MAP1A: variants seen among roughly 807,000 people sequenced by gnomAD.
MAP1A encodes the protein microtubule associated protein 1A, also known as microtubule-associated protein 1A.
MAP1A carries 42 observed loss-of-function variants against 185.9 expected under a neutral mutation model. The observed-to-expected ratio is 0.23, with a 90% CI of 0.18 to 0.29. The LOEUF (loss-of-function observed/expected upper bound fraction) is 0.29. Ranked by LOEUF, MAP1A falls within the 10% of genes least tolerant of loss-of-function variation. The pLI, the probability that MAP1A is intolerant of heterozygous loss-of-function variation, is 1.00. For synonymous variants in MAP1A, 1,229 were observed against 1,335.9 expected, an observed-to-expected ratio of 0.92 and a Z score of 1.74; for missense variants, 2,995 against 3,450.4, an observed-to-expected ratio of 0.87 and a Z score of 3.31.
rs182666006 is a variant in MAP1A, at chr15:43,528,558, C to G, written c.7085C>G (p.Pro2362Arg). ...TCTGAGGATTGTGCAGCCAATGGCC[C>G]AACTGAAACCAGCCCTAACCCCCCA... ...VPSEDCAANGPTETSPNPPGP... is the reference protein window; with the variant it reads ...VPSEDCAANGRTETSPNPPGP... The change falls in exon 4 of 6, where the codon CCA becomes CGA. Residue 2362 changes from proline to arginine, a missense_variant. This residue lies in a region of MAP1A where 2,728 missense variants were observed against 2,986.0 expected (regional missense o/e 0.91). Coordinates refer to ENST00000300231, the MANE Select transcript of MAP1A (RefSeq NM_002373.6). The G allele has an allele frequency of 8.7e-6, 14 of 1,613,752 alleles. No individual in the cohort carries two copies. In the African/African-American group the frequency reaches 1.7e-4, roughly 20 times the overall value.
intron 1 of MAP1A, among the ~76,000 whole-genome samples, chr15:43,519,626 T>G (rs72709883): frequency 8.9e-4 from 136 of 152,344 alleles, no homozygotes; most frequent in South Asian, 2.9e-3. Context: ...GCAGCATTCT[T>G]CTTCAGCATC....
chr15:43,513,917 A>G (rs2079290285), upstream of MAP1A, among the ~76,000 whole-genome samples: 1 of 152,254 alleles, frequency 6.6e-6, no homozygotes, highest in South Asian at 2.1e-4. Context: ...GCTGATGTTA[A>G]TAATTCACAC....
At chr15:43,516,922 A>G (rs1268454295), upstream of MAP1A, among the ~76,000 whole-genome samples, 1 of 152,168 alleles carries the variant, frequency 6.6e-6, no homozygotes, top group African/African-American at 2.4e-5. Flanking sequence ...AAGAATCCCA[A>G]GAATCAGTGC....
chr15:43,518,710 C>A (rs1020251910), intron 1 of MAP1A, among the ~76,000 whole-genome samples: 1 of 132,452 alleles, frequency 7.5e-6, no homozygotes, highest in East Asian at 2.4e-4. Context: ...CGCAGCCCAC[C>A]CCCCCCCGCA....
At position 43,529,109 on chromosome 15, in the gene MAP1A, G is replaced by A. The variant is rs2079360007; in HGVS notation, c.7636G>A (p.Gly2546Arg). ...DGDFLPVDKAGGVSGTHHPRP... is the reference protein window; with the variant it reads ...DGDFLPVDKARGVSGTHHPRP... The stretch of plus-strand genomic sequence containing the variant: ...AGACTTCCTACCTGTGGACAAAGCT[G>A]GGGGTGTCAGTGGTACTCACCACCC... The change falls in exon 4 of 6, where the codon GGG becomes AGG. Residue 2546 changes from glycine (G) to arginine (R), a missense_variant. By Grantham distance (125) the Gly-to-Arg change is moderately radical. This residue lies in a region of MAP1A where 2,728 missense variants were observed against 2,986.0 expected (regional missense o/e 0.91). Coordinates refer to ENST00000300231, the MANE Select transcript of MAP1A (RefSeq NM_002373.6). The surrounding 1 kb of genome is among the most constrained non-coding windows in gnomAD (Gnocchi z 4.3). The A allele has an allele frequency of 2.5e-6, 4 of 1,613,592 alleles. No individual in the cohort carries two copies. Among genetic ancestry groups the A allele is most frequent in the African/African-American group, 1.3e-5 (1 of 74,854 alleles).
rs774549028 is a variant in MAP1A, at chr15:43,526,378, G to A, written c.4905G>A (p.Glu1635=). 1 of 1,614,216 alleles carries A rather than the reference G, an allele frequency of 6.2e-7. No homozygotes were observed. The highest frequency in any genetic ancestry group is 8.5e-7 in the Non-Finnish European group (1 of 1,180,042). ...TAGTGCAGGAGGGCAGGGCCAGAGA[G>A]CAGGAAGAAAAGTACTGGAGGGGGC... is the stretch of plus-strand genomic sequence containing the variant. ...ESLVQEGRAR[E]QEEKYWRGQD... The change falls in exon 4 of 6, where the codon GAG becomes GAA. Residue 1635 remains glutamate, a synonymous_variant. Transcript: ENST00000300231. The surrounding 1 kb of genome is among the most constrained non-coding windows in gnomAD (Gnocchi z 4.7).
rs545991486 is a variant in MAP1A, at chr15:43,528,856, A to G, written c.7383A>G (p.Ile2461Met). ...TGAACCCACCTCTGCCCCCATCCAT[A>G]GATGATAGGGACCTCTCAACTGAGG... ...SFLNPPLPPSIDDRDLSTEEV... is the reference protein window; with the variant it reads ...SFLNPPLPPSMDDRDLSTEEV... Residue 2461 changes from isoleucine (I) to methionine (M), a missense_variant, in exon 4 of 6, where the codon ATA becomes ATG. Physicochemically the swap from Ile to Met is conservative, Grantham distance 10. Around this residue, in one of 3 missense-constraint regions of MAP1A, gnomAD observed 2,728 missense variants for 2,986.0 expected, o/e 0.91. Coordinates refer to ENST00000300231, the MANE Select transcript of MAP1A (RefSeq NM_002373.6). The G allele has an allele frequency of 1.1e-4, 185 of 1,613,204 alleles. 4 individuals are homozygous for G. The South Asian group carries it at 2.0e-3, about 17-fold the overall frequency.
At position 43,522,872 on chromosome 15, in the gene MAP1A, T is replaced by G; in HGVS notation, c.1399T>G (p.Phe467Val). 2 of 1,609,978 alleles carry G rather than the reference T, an allele frequency of 1.2e-6. No homozygotes were observed. The highest frequency in any genetic ancestry group is 1.7e-6 in the Non-Finnish European group (2 of 1,177,906). ...KKISKPDLKP[F>V]TPEVRKTLYK... ...GATTTCCAAGCCAGACCTAAAGCCC[T>G]TTACTCCTGAGGTACGTAAGACCCT... is the stretch of plus-strand genomic sequence containing the variant. The change falls in exon 4 of 6, where the codon TTT (phenylalanine) becomes GTT (valine). Residue 467 changes from phenylalanine to valine, a missense_variant. Physicochemically the swap from Phe to Val is conservative, Grantham distance 50 (BLOSUM62 -1). Coordinates refer to ENST00000300231, the MANE Select transcript of MAP1A (RefSeq NM_002373.6). The surrounding 1 kb of genome is among the most constrained non-coding windows in gnomAD (Gnocchi z 5.9).
chr15:43,516,683 T>C (rs1240805278), upstream of MAP1A, among the ~76,000 whole-genome samples: 2 of 152,116 alleles, frequency 1.3e-5, no homozygotes, highest in East Asian at 1.9e-4. Context: ...AATAATATAA[T>C]ATAGAAACAG....
Position 43,529,085 on chromosome 15 carries a change from G to T in MAP1A, c.7612G>T (p.Asp2538Tyr). ...AGCCCTCGACTCAGATGAAGATGGA[G>T]ACTTCCTACCTGTGGACAAAGCTGG... ...EAALDSDEDG[D>Y]FLPVDKAGGV... The change falls in exon 4 of 6, where the codon GAC (aspartate) becomes TAC (tyrosine). Residue 2538 changes from aspartate to tyrosine, a missense_variant. Transcript: ENST00000300231. The surrounding 1 kb of genome is among the most constrained non-coding windows in gnomAD (Gnocchi z 4.3). 6.2e-7 allele frequency: 1 copy of T among 1,613,864 alleles called. No homozygotes were observed. The highest frequency in any genetic ancestry group is 8.5e-7 in the Non-Finnish European group (1 of 1,179,992).
In MAP1A at chr15:43,527,608, A is replaced by C; in HGVS notation, c.6135A>C (p.Pro2045=). The change falls in exon 4 of 6, where the codon CCA becomes CCC. Residue 2045 remains proline (P), a synonymous_variant. Coordinates refer to ENST00000300231, the MANE Select transcript of MAP1A (RefSeq NM_002373.6). The part of the protein sequence containing the change: ...YAALAGPTVP[P]RPEPGPSMEP... ...CCCTGGCAGGACCCACTGTACCCCCAAGGCCAGAGCCAGGGCCAAGTATGG... is the reference window on the plus strand; with the variant it reads ...CCCTGGCAGGACCCACTGTACCCCCCAGGCCAGAGCCAGGGCCAAGTATGG... 2 of 1,613,204 alleles carry C rather than the reference A, an allele frequency of 1.2e-6. No individual in the cohort carries two copies. Among genetic ancestry groups the C allele is most frequent in the South Asian group, 2.2e-5 (2 of 91,022 alleles).
Position 43,529,853 on chromosome 15 carries a change from T to G in MAP1A, c.8239T>G (p.Trp2747Gly). ...TGCCCTGCTGGAGGGCAAGGCCCAG[T>G]GGGGGGAGAATCTTCAGGTGAGTAG... The part of the protein sequence containing the change: ...LDALLEGKAQ[W>G]GENLQVTLIP... Residue 2747 changes from tryptophan to glycine, a missense_variant, in exon 5 of 6, where the codon TGG (tryptophan) becomes GGG (glycine). This residue lies in a region of MAP1A where 2,728 missense variants were observed against 2,986.0 expected (regional missense o/e 0.91). Transcript: ENST00000300231. The surrounding 1 kb of genome is among the most constrained non-coding windows in gnomAD (Gnocchi z 4.3). The G allele has an allele frequency of 6.2e-7, 1 of 1,613,496 alleles. No individual in the cohort carries two copies. The highest frequency in any genetic ancestry group is 8.5e-7 in the Non-Finnish European group (1 of 1,179,992).
chr15:43,523,007 G>T lies in MAP1A; in HGVS notation c.1534G>T (p.Val512Leu), dbSNP rs534673678. The part of the protein sequence containing the change: ...PQTPPAQKGT[V>L]PLPTISGHRE... Reference sequence around the variant, plus strand: ...GACACCCCCAGCCCAGAAGGGAACTGTACCACTCCCAACCATCAGTGGGCA... The same window carrying T: ...GACACCCCCAGCCCAGAAGGGAACTTTACCACTCCCAACCATCAGTGGGCA... Residue 512 changes from valine to leucine, a missense_variant, in exon 4 of 6, where the codon GTA (valine) becomes TTA (leucine). By Grantham distance (32) the Val-to-Leu change is conservative. Coordinates refer to ENST00000300231, the MANE Select transcript of MAP1A (RefSeq NM_002373.6). 6 of 1,614,200 alleles carry T rather than the reference G, an allele frequency of 3.7e-6. No homozygotes were observed. Among genetic ancestry groups the T allele is most frequent in the Non-Finnish European group, 5.1e-6 (6 of 1,180,040 alleles).
chr15:43,529,672 C>G lies in MAP1A; in HGVS notation c.8058C>G (p.Ser2686Arg). ...CAGTGGCCTTGAGTTCCAAGGGCAG[C>G]TCTGGTGCCCCTGTATATGTGGATC... is the stretch of plus-strand genomic sequence containing the variant. ...AGPMALSSKG[S>R]SGAPVYVDLA... Residue 2686 changes from serine to arginine, a missense_variant, in exon 5 of 6, where the codon AGC (serine) becomes AGG (arginine). By Grantham distance (110) the Ser-to-Arg change is moderately radical (BLOSUM62 -1). Transcript: ENST00000300231. The surrounding 1 kb of genome is among the most constrained non-coding windows in gnomAD (Gnocchi z 4.3). 4.3e-6 allele frequency: 7 copies of G among 1,614,168 alleles called. No individual in the cohort carries two copies. The highest frequency in any genetic ancestry group is 5.9e-6 in the Non-Finnish European group (7 of 1,180,000).
rs1225387040 is a variant in MAP1A, at chr15:43,527,199, A to G, written c.5726A>G (p.Tyr1909Cys). The change falls in exon 4 of 6, where the codon TAC (tyrosine) becomes TGC (cysteine). Residue 1909 changes from tyrosine to cysteine, a missense_variant. Tyr to Cys is a radical substitution (Grantham distance 194). Coordinates refer to ENST00000300231, the MANE Select transcript of MAP1A (RefSeq NM_002373.6). ...CCATACTCCCCCCTGGGGAAGGACT[A>G]CCGCAAGGCTGAAGGGGAAAGGGAA... ...GGPYSPLGKD[Y>C]RKAEGEREEE... 6.2e-7 allele frequency: 1 copy of G among 1,614,076 alleles called. No homozygotes were observed. The highest frequency in any genetic ancestry group is 8.5e-7 in the Non-Finnish European group (1 of 1,180,006).
rs767761366 is a variant in MAP1A at position 43,522,683 on chromosome 15, C to A, written c.1210C>A (p.His404Asn). The part of the protein sequence containing the change: ...KLIKDKVGKK[H>N]LKEKISKLEE... Reference sequence around the variant, plus strand: ...GATCAAAGACAAGGTAGGGAAAAAGCACCTTAAAGAAAAGATATCAAAGCT... The same window carrying A: ...GATCAAAGACAAGGTAGGGAAAAAGAACCTTAAAGAAAAGATATCAAAGCT... Residue 404 changes from histidine (H) to asparagine (N), a missense_variant, in exon 4 of 6, where the codon CAC (histidine) becomes AAC (asparagine). Physicochemically the swap from His to Asn is moderately conservative, Grantham distance 68. Transcript: ENST00000300231. The surrounding 1 kb of genome is among the most constrained non-coding windows in gnomAD (Gnocchi z 5.9). 1 of 1,608,362 alleles carries A rather than the reference C, an allele frequency of 6.2e-7. No individual in the cohort carries two copies. Among genetic ancestry groups the A allele is most frequent in the Non-Finnish European group, 8.5e-7 (1 of 1,177,588 alleles).
At position 43,525,895 on chromosome 15, in the gene MAP1A, A is replaced by C; in HGVS notation, c.4422A>C (p.Lys1474Asn). The C allele has an allele frequency of 6.2e-7, 1 of 1,613,484 alleles. No individual in the cohort carries two copies. The highest frequency in any genetic ancestry group is 8.5e-7 in the Non-Finnish European group (1 of 1,179,628). Reference protein sequence around the residue: ...LEQKDKALEPKDKDLEQKDRV... With the variant: ...LEQKDKALEPNDKDLEQKDRV... ...AGAAGGACAAGGCCCTGGAACCAAAAGATAAAGACTTGGAACAAAAGGACA... is the reference window on the plus strand; with the variant it reads ...AGAAGGACAAGGCCCTGGAACCAAACGATAAAGACTTGGAACAAAAGGACA... Residue 1474 changes from lysine to asparagine, a missense_variant, in exon 4 of 6, where the codon AAA becomes AAC. This residue lies in a region of MAP1A where 2,728 missense variants were observed against 2,986.0 expected (regional missense o/e 0.91). Transcript: ENST00000300231.
chr15:43,511,306 C>T (rs2079276460), intron 1 of MAP1A: 2 of 1,070,326 alleles, frequency 1.9e-6, no homozygotes, highest in Non-Finnish European at 2.8e-6. Flanking sequence ...CCAATGCATA[C>T]GTCTGCATCT....
Position 43,526,007 on chromosome 15 carries a change from G to A in MAP1A, c.4534G>A (p.Glu1512Lys), listed in dbSNP as rs754940523. Reference protein sequence around the residue: ...KVRSVEHKAPEDTVAEMKDRD... With the variant: ...KVRSVEHKAPKDTVAEMKDRD... Reference sequence around the variant, plus strand: ...CAGAAGTGTTGAACATAAGGCTCCGGAGGACACGGTCGCTGAAATGAAGGA... The same window carrying A: ...CAGAAGTGTTGAACATAAGGCTCCGAAGGACACGGTCGCTGAAATGAAGGA... Residue 1512 changes from glutamate to lysine, a missense_variant, in exon 4 of 6, where the codon GAG becomes AAG. Around this residue, in one of 3 missense-constraint regions of MAP1A, gnomAD observed 2,728 missense variants for 2,986.0 expected, o/e 0.91. Transcript: ENST00000300231. This position sits in a 1 kb window ranked among gnomAD's most constrained non-coding sequence, Gnocchi z 4.7. 2.0e-5 allele frequency: 32 copies of A among 1,613,638 alleles called. No homozygotes were observed. Among genetic ancestry groups the A allele is most frequent in the Non-Finnish European group, 2.5e-5 (30 of 1,179,962 alleles).
Sources: allele counts gnomAD v4.1 joint callset (sites outside exome capture counted in the v4.1 genomes callset), GRCh38; gene constraint gnomAD v4.1.1; regional missense constraint gnomAD v4.1.1; non-coding constraint Gnocchi (gnomAD v3.1); transcripts MANE v1.5; gene names NCBI Gene and HGNC (gene_info 2026-07-23, HGNC 2026-07-21).